The following DPF2 variants were observed in gnomAD, a reference collection of about 807,000 sequenced individuals.
The protein encoded by DPF2 is zinc finger protein ubi-d4.
DPF2 carries 10 observed loss-of-function variants against 59.6 expected under a neutral mutation model. The observed-to-expected ratio is 0.17, with a 90% CI of 0.10 to 0.28. The LOEUF (loss-of-function observed/expected upper bound fraction) is 0.28. Among genes scored for constraint, DPF2 ranks in the 10% least tolerant of loss-of-function variants. The pLI, the probability that DPF2 is intolerant of heterozygous loss-of-function variation, is 1.00. For missense variants in DPF2, 315 were observed against 509.4 expected (o/e 0.62, Z 3.67); for synonymous variants, 189 against 190.6 (o/e 0.99, Z 0.07).
At chr11:65,337,872 T>G (rs952294130) in intron 1 of DPF2, among the ~76,000 whole-genome samples, 1 of 152,140 alleles carries the variant, frequency 6.6e-6, no homozygotes, top group Non-Finnish European at 1.5e-5. Flanking sequence ...TGGCGCAATC[T>G]CGGCTCACCG....
rs1005007577 is a variant in DPF2, at chr11:65,352,423, G to T, written c.*664G>T. 6.5e-6 allele frequency: 1 copy of T among 152,676 alleles called. No homozygotes were observed. Among genetic ancestry groups the T allele is most frequent in the Non-Finnish European group, 1.5e-5 (1 of 68,256 alleles). The allele number at this position is 152,676 out of a possible 1,614,324, so 9.5% of individuals were successfully genotyped here. ...CATTGCTCTCCTGGCTCACTCTTACGGTCGGTCTCCAGTGACTGAAGCATT... is the reference window on the plus strand; with the variant it reads ...CATTGCTCTCCTGGCTCACTCTTACTGTCGGTCTCCAGTGACTGAAGCATT... On this transcript the variant is annotated 3_prime_UTR_variant, in exon 11 of 11. Transcript: ENST00000528416.
chr11:65,336,517 CGCGGTGGCTCAT>C (rs1950097018), intron 1 of DPF2, among the ~76,000 whole-genome samples: 1 of 151,784 alleles, frequency 6.6e-6, no homozygotes, highest in South Asian at 2.1e-4. Flanking sequence ...GGCTGTTGGG[CGCGGTGGCTCAT>C]GCCTGTAATC....
At position 65,346,223 on chromosome 11, in the gene DPF2, TCTCA is replaced by T. The variant is rs780053425; in HGVS notation, c.905-17_905-14del. On this transcript the variant is annotated intron_variant, in intron 8 of 10. Coordinates refer to ENST00000528416, the MANE Select transcript of DPF2 (RefSeq NM_006268.5). ...TTCCCCCCGCATTTCCGACTGTCTG[TCTCA>T]CTCACTTCCCCCACTACAGGGCATC... The T allele has an allele frequency of 6.2e-7, 1 of 1,612,680 alleles. No individual in the cohort carries two copies. The highest frequency in any genetic ancestry group is 8.5e-7 in the Non-Finnish European group (1 of 1,179,172).
intron 10 of DPF2, among the ~76,000 whole-genome samples, chr11:65,350,075 A>G (rs1215668946): frequency 6.6e-6 from 1 of 152,088 alleles, no homozygotes; most frequent in African/African-American, 2.4e-5. Context: ...GAGAAGTCGC[A>G]TGTTTATGTT....
intron 10 of DPF2, among the ~76,000 whole-genome samples, chr11:65,350,023 T>A (rs1051058197): frequency 1.3e-5 from 2 of 151,922 alleles, no homozygotes; most frequent in African/African-American, 2.4e-5. Flanking sequence ...TGTAGGGGAG[T>A]ACTCAGCTTC....
chr11:65,349,609 C>T (rs576963090), intron 10 of DPF2, among the ~76,000 whole-genome samples: 61 of 152,238 alleles, frequency 4.0e-4, no homozygotes, highest in Non-Finnish European at 5.3e-4. Flanking sequence ...TCCTGGCTAA[C>T]ACGGTGAAAC....
In DPF2 at chr11:65,354,072, A is replaced by G. The variant is rs1207480023; in HGVS notation, c.*2313A>G. 3.3e-5 allele frequency among the ~76,000 whole-genome samples: 5 copies of G among 152,190 alleles called. No individual in the cohort carries two copies. In the South Asian group the frequency reaches 1.0e-3, roughly 32 times the overall value. ...ACGGGGGTGCGGACGGAAGCCTGTG[A>G]GGAAGGCAGAGGATGCGGAGCTGTG... is the stretch of plus-strand genomic sequence containing the variant. On this transcript the variant is annotated 3_prime_UTR_variant, in exon 11 of 11. Coordinates refer to ENST00000528416, the MANE Select transcript of DPF2 (RefSeq NM_006268.5).
intron 4 of DPF2, among the ~76,000 whole-genome samples, chr11:65,343,280 CAA>C (rs945574913): frequency 5.5e-5 from 6 of 109,108 alleles, no homozygotes; most frequent in African/African-American, 2.1e-4. Context: ...GCCTGGGCAA[CAA>C]GAGCGAAACT....
At position 65,352,078 on chromosome 11, in the gene DPF2, C is replaced by T; in HGVS notation, c.*319C>T. 2 of 344,614 alleles carry T rather than the reference C, an allele frequency of 5.8e-6. No homozygotes were observed. Among genetic ancestry groups the T allele is most frequent in the Non-Finnish European group, 1.1e-5 (2 of 183,762 alleles). The allele number at this position is 344,614 out of a possible 1,614,324, so 21.3% of individuals were successfully genotyped here. On this transcript the variant is annotated 3_prime_UTR_variant, in exon 11 of 11. Transcript: ENST00000528416. The stretch of plus-strand genomic sequence containing the variant: ...GGTGATCACAGGGTTCAAACAGTGT[C>T]CTCCTAGAAAGAGTGGGAGAGCAGC...
chr11:65,346,123 C>T, intron 8 of DPF2, 65 bp downstream of exon 8: 1 of 1,606,646 alleles, frequency 6.2e-7, no homozygotes, highest in Non-Finnish European at 8.5e-7. Context: ...TTGCTGGCCT[C>T]TAGGGCTGTC....
At chr11:65,337,472 AAAATATATATATATATATAT>A (rs1854205723) in intron 1 of DPF2, among the ~76,000 whole-genome samples, 1 of 50,724 alleles carries the variant, frequency 2.0e-5, no homozygotes, top group Non-Finnish European at 3.6e-5. Flanking sequence ...AAAAAAAAAA[AAAATATATATATATATATAT>A]ATATATATAT....
chr11:65,350,754 G>T (rs1854673537), intron 10 of DPF2, among the ~76,000 whole-genome samples: 1 of 150,968 alleles, frequency 6.6e-6, no homozygotes, highest in South Asian at 2.1e-4. Flanking sequence ...CAGCACTTTG[G>T]GATCTCTTGA....
chr11:65,351,628 C>G (rs1464440233), intron 10 of DPF2, 55 bp from the exon 11 acceptor site: 46 of 1,500,400 alleles, frequency 3.1e-5, no homozygotes, highest in Non-Finnish European at 3.5e-5. Context: ...AGAGGAATTG[C>G]AAGCAGGTGG....
In DPF2 at chr11:65,341,475, C is replaced by T. The variant is rs760874409; in HGVS notation, c.378C>T (p.Asp126=). Residue 126 remains aspartate, a synonymous_variant, in exon 4 of 11, where the codon GAC becomes GAT. Coordinates refer to ENST00000528416, the MANE Select transcript of DPF2 (RefSeq NM_006268.5). The part of the protein sequence containing the change: ...GSSLEALLRT[D]PLEKRGAPDP... Reference sequence around the variant, plus strand: ...GTTTAGAGGCTCTGTTGCGCACTGACCCCCTGGAGAAGCGAGGTGCCCCGG... The same window carrying T: ...GTTTAGAGGCTCTGTTGCGCACTGATCCCCTGGAGAAGCGAGGTGCCCCGG... 1.9e-6 allele frequency: 3 copies of T among 1,614,060 alleles called. No homozygotes were observed. Among genetic ancestry groups the T allele is most frequent in the African/African-American group, 1.3e-5 (1 of 74,916 alleles).
chr11:65,348,692 TGGATCTGC>T (rs1854609401), intron 9 of DPF2, 150 bp from the exon 10 acceptor site: 1 of 555,454 alleles, frequency 1.8e-6, no homozygotes, highest in South Asian at 2.7e-5. Flanking sequence ...TGACAGTGAC[TGGATCTGC>T]GGTGGAGAGG....
intron 9 of DPF2, 90 bp from the exon 10 acceptor site, chr11:65,348,760 C>A: frequency 7.7e-7 from 1 of 1,303,662 alleles, no homozygotes. Context: ...TTACCTGCTA[C>A]CTACCCCTCT....
intron 1 of DPF2, among the ~76,000 whole-genome samples, chr11:65,337,352 G>A (rs929626054): frequency 1.5e-4 from 22 of 148,474 alleles, no homozygotes; most frequent in Non-Finnish European, 7.4e-5. Context: ...CAAGAGAATC[G>A]TTGGAACCCG....
In DPF2 at chr11:65,337,473, AAATAT is replaced by A. The variant is rs1393737833; in HGVS notation, c.33-2910_33-2906del. ...ATCTCAAAAAAAAAAAAAAAAAAAA[AAATAT>A]ATATATATATATATATATATATATA... On this transcript the variant is annotated intron_variant, in intron 1 of 10. Coordinates refer to ENST00000528416, the MANE Select transcript of DPF2 (RefSeq NM_006268.5). Among the ~76,000 whole-genome samples, 233 of 43,622 alleles carry A rather than the reference AAATAT, an allele frequency of 5.3e-3. 1 individual carries two copies. The highest frequency in any genetic ancestry group is 6.4e-3 in the African/African-American group (70 of 11,008). The allele number at this position is 43,622 out of a possible 152,430, so 28.6% of individuals were successfully genotyped here. A position where few individuals can be genotyped will look rare whatever the true frequency, so the allele number is the denominator to read the frequency against.
rs1854350654 is a variant in DPF2, at chr11:65,340,962, A to C, written c.194-4A>C. ...CCTGACTTCTATCTTTCTTCCTGCC[A>C]CAGGATTGGCCTCCGGACAGCTGTA... On this transcript the variant is annotated splice_region_variant and splice_polypyrimidine_tract_variant and intron_variant, in intron 2 of 10. Coordinates refer to ENST00000528416, the MANE Select transcript of DPF2 (RefSeq NM_006268.5). The C allele has an allele frequency of 6.2e-7, 1 of 1,613,760 alleles. No individual in the cohort carries two copies. Among genetic ancestry groups the C allele is most frequent in the African/African-American group, 1.3e-5 (1 of 74,902 alleles).
Sources: allele counts gnomAD v4.1 joint callset (sites outside exome capture counted in the v4.1 genomes callset), GRCh38; gene constraint gnomAD v4.1.1; transcripts MANE v1.5; gene names NCBI Gene and HGNC (gene_info 2026-07-23, HGNC 2026-07-21).